The following F8 variants were observed in gnomAD, a reference collection of about 807,000 sequenced individuals.
The protein encoded by F8 is coagulation factor VIII.
Under a neutral mutation model 140.6 loss-of-function variants are expected in F8, and 12 were observed. The ratio of observed to expected loss-of-function variants is 0.09; its 90% confidence interval spans 0.05 to 0.14. F8 has a LOEUF of 0.14. Ranked by LOEUF, F8 falls within the 10% of genes least tolerant of loss-of-function variation. F8 has a pLI of 1.00. For missense variants in F8, 1,354 were observed against 1,720.7 expected (o/e 0.79, Z 3.77); for synonymous variants, 585 against 614.6 (o/e 0.95, Z 0.71).
At chrX:154,935,047 C>T (rs1439543855) in intron 13 of F8, among the ~76,000 whole-genome samples, 1 of 109,899 alleles carries the variant, frequency 9.1e-6, no homozygotes, top group Non-Finnish European at 1.9e-5. Context: ...CCTGTAGTCC[C>T]ACTACTTGGG....
intron 6 of F8, among the ~76,000 whole-genome samples, chrX:154,970,601 C>G (rs1557282497): frequency 9.0e-6 from 1 of 111,675 alleles, no homozygotes; most frequent in Non-Finnish European, 1.9e-5. Flanking sequence ...GCCTAAAACC[C>G]ACTGGAGGCT....
chrX:154,915,459 A>G (rs1428573184), intron 14 of F8, among the ~76,000 whole-genome samples: 1 of 112,142 alleles, frequency 8.9e-6, no homozygotes, highest in African/African-American at 3.2e-5. Context: ...TGGGATAGAT[A>G]CCTTTTCATT....
chrX:154,966,155 A>G lies in F8; in HGVS notation c.1272-14T>C. On this transcript the variant is annotated splice_polypyrimidine_tract_variant and intron_variant, in intron 8 of 25. Coordinates refer to ENST00000360256, the MANE Select transcript of F8 (RefSeq NM_000132.4). ...CTTTTATAACTTCTGTATAAGAGAA[A>G]AAAAGATGAGAGGTTGGGAAGAAAA... 8.3e-7 allele frequency: 1 copy of G among 1,203,919 alleles called. No homozygotes were observed. Among genetic ancestry groups the G allele is most frequent in the South Asian group, 1.8e-5 (1 of 56,103 alleles).
chrX:154,938,346 A>AT (rs1460440366), intron 13 of F8, among the ~76,000 whole-genome samples: 2 of 111,785 alleles, frequency 1.8e-5, no homozygotes, highest in Admixed American at 1.9e-4. Flanking sequence ...TGAGGAAATT[A>AT]TTTTTTTCCA....
Position 154,837,584 on chromosome X carries a change from G to GC in F8, c.*12dup. 8.4e-7 allele frequency: 1 copy of GC among 1,187,371 alleles called. No individual in the cohort carries two copies. The highest frequency in any genetic ancestry group is 1.1e-6 in the Non-Finnish European group (1 of 883,215). ...AGAGGTGACGGCAGTGGCAGGTGCT[G>GC]CAGTGGCCACCCTCAGTAGAGGTCC... On this transcript the variant is annotated 3_prime_UTR_variant, in exon 26 of 26. Transcript: ENST00000360256.
chrX:154,845,760 T>A (rs1351060375), intron 25 of F8, among the ~76,000 whole-genome samples: 1 of 111,988 alleles, frequency 8.9e-6, no homozygotes, highest in African/African-American at 3.2e-5. Flanking sequence ...GATTCATTGA[T>A]TTTTTAAAGG....
rs12556569 is a variant in F8 at position 154,861,659 on chromosome X, C to A, written c.6723+59G>T. 1.0e-3 allele frequency: 1,197 copies of A among 1,180,154 alleles called. 1 individual carries two copies. Among genetic ancestry groups the A allele is most frequent in the Non-Finnish European group, 1.2e-3 (1,063 of 869,340 alleles). On this transcript the variant is annotated intron_variant, in intron 24 of 25. Transcript: ENST00000360256. ...CAGAAGAAACAGTCAAGGCCTTCCC[C>A]GATTTTTTCCCCAACCACTGCTCTG...
intron 1 of F8, among the ~76,000 whole-genome samples, chrX:155,022,192 C>T (rs1222873933): frequency 1.8e-5 from 2 of 112,005 alleles, no homozygotes; most frequent in African/African-American, 6.5e-5. Context: ...ATGGACAAAA[C>T]AGAACAAAAT....
chrX:154,964,096 CAT>C (rs1293944921), intron 9 of F8, among the ~76,000 whole-genome samples: 5 of 111,730 alleles, frequency 4.5e-5, no homozygotes, highest in Admixed American at 9.5e-5. Context: ...CACACACACA[CAT>C]ACACACACAC....
At chrX:154,956,019 G>A (rs782572754) in intron 11 of F8, among the ~76,000 whole-genome samples, 175 of 111,716 alleles carry the variant, frequency 1.6e-3, no homozygotes, top group African/African-American at 5.3e-3. Flanking sequence ...CTCCCAGAGC[G>A]GCCATTTTAG....
intron 6 of F8, among the ~76,000 whole-genome samples, chrX:154,979,911 T>C (rs1410544242): frequency 9.0e-6 from 1 of 111,682 alleles, no homozygotes; most frequent in Admixed American, 9.5e-5. Context: ...CTCTGTGCTG[T>C]CAAGGAATAA....
chrX:154,917,221 G>GA (rs2073102616), intron 14 of F8, among the ~76,000 whole-genome samples: 1 of 112,005 alleles, frequency 8.9e-6, no homozygotes, highest in Non-Finnish European at 1.9e-5. Context: ...AATGTTCCAT[G>GA]TGCTGATAAG....
intron 25 of F8, among the ~76,000 whole-genome samples, chrX:154,854,097 C>G (rs897284237): frequency 1.8e-5 from 2 of 111,882 alleles, no homozygotes; most frequent in East Asian, 5.6e-4. Flanking sequence ...ATTCCAAGAC[C>G]CTGGTAACCT....
In F8 at chrX:154,931,587, C is replaced by T. The variant is rs781837373; in HGVS notation, c.2203G>A (p.Gly735Ser). The T allele has an allele frequency of 1.7e-6, 2 of 1,211,325 alleles. No homozygotes were observed. Among genetic ancestry groups the T allele is most frequent in the South Asian group, 3.5e-5 (2 of 56,959 alleles). ...TCATAACTGTCCTCGTAATAATCAC[C>T]AGTGTTCTTGTCACAACTAGAAACC... The part of the protein sequence containing the change: ...LKVSSCDKNT[G>S]DYYEDSYEDI... Residue 735 changes from glycine to serine, a missense_variant, in exon 14 of 26, where the codon GGT (glycine) becomes AGT (serine). Physicochemically the swap from Gly to Ser is moderately conservative, Grantham distance 56 (BLOSUM62 0). Transcript: ENST00000360256.
intron 22 of F8, among the ~76,000 whole-genome samples, chrX:154,866,098 C>T (rs1422649399): frequency 9.0e-6 from 1 of 111,156 alleles, no homozygotes; most frequent in African/African-American, 3.3e-5. Context: ...GCAGGGGTGG[C>T]TATACTTGTA....
intron 1 of F8, among the ~76,000 whole-genome samples, chrX:155,021,640 T>C (rs1384695689): frequency 9.0e-6 from 1 of 111,335 alleles, no homozygotes. Flanking sequence ...CCTGGAAATA[T>C]TATTTTTAAA....
At chrX:154,893,116 T>A (rs782410761) in intron 22 of F8, among the ~76,000 whole-genome samples, 5 of 112,264 alleles carry the variant, frequency 4.5e-5, no homozygotes, top group African/African-American at 1.6e-4. Context: ...CAATTGCCAA[T>A]CAGAAAATCT....
chrX:154,866,750 CAT>C (rs1321222139), intron 22 of F8, among the ~76,000 whole-genome samples: 4 of 108,268 alleles, frequency 3.7e-5, no homozygotes, highest in African/African-American at 1.3e-4. Flanking sequence ...AAAGAAGAAA[CAT>C]ATGAAATAAA....
intron 13 of F8, among the ~76,000 whole-genome samples, chrX:154,933,313 T>C (rs1352204992): frequency 8.9e-6 from 1 of 111,842 alleles, no homozygotes; most frequent in Non-Finnish European, 1.9e-5. Context: ...GTAATTCCCT[T>C]GGAGACACCT....
Sources: allele counts gnomAD v4.1 joint callset (sites outside exome capture counted in the v4.1 genomes callset), GRCh38; gene constraint gnomAD v4.1.1; transcripts MANE v1.5; gene names NCBI Gene and HGNC (gene_info 2026-07-23, HGNC 2026-07-21).